The following NAT1 variants were observed in gnomAD, a reference collection of about 807,000 sequenced individuals.
NAT1 encodes arylamine N-acetyltransferase 1.
For missense variants in NAT1, 400 were observed against 339.2 expected (o/e 1.18, Z -1.41); for synonymous variants, 144 against 122.6 (o/e 1.17, Z -1.16).
At chr8:18,195,103 A>C (rs943508977) in intron 2 of NAT1, among the ~76,000 whole-genome samples, 1 of 152,208 alleles carries the variant, frequency 6.6e-6, no homozygotes, top group Non-Finnish European at 1.5e-5. Flanking sequence ...ACAGGGGATC[A>C]TCTCAAGACC....
chr8:18,209,318 C>T (rs1803876874), upstream of NAT1, among the ~76,000 whole-genome samples: 2 of 152,362 alleles, frequency 1.3e-5, no homozygotes, highest in South Asian at 4.1e-4. Context: ...CACAAGGAAA[C>T]ACTCACTGGT....
At chr8:18,188,916 A>C (rs1186432683) in intron 2 of NAT1, among the ~76,000 whole-genome samples, 1 of 145,898 alleles carries the variant, frequency 6.9e-6, no homozygotes, top group African/African-American at 2.5e-5. Flanking sequence ...AATCACTTGA[A>C]CCCGAGAGGT....
chr8:18,186,613 T>G (rs1190095099), intron 2 of NAT1, among the ~76,000 whole-genome samples: 2 of 152,196 alleles, frequency 1.3e-5, no homozygotes, highest in Non-Finnish European at 2.9e-5. Flanking sequence ...TATTTTTATT[T>G]TCCCATATGT....
intron 2 of NAT1, among the ~76,000 whole-genome samples, chr8:18,179,280 C>T (rs1343152005): frequency 5.3e-5 from 8 of 152,108 alleles, no homozygotes; most frequent in Admixed American, 5.2e-4. Context: ...CATAATCATT[C>T]ACTTGATAAT....
In NAT1 at chr8:18,214,430, T is replaced by C. The variant is rs146355234; in HGVS notation, c.-86+4250T>C. 3.9e-3 allele frequency among the ~76,000 whole-genome samples: 599 copies of C among 152,346 alleles called. 6 individuals are homozygous for C. Among genetic ancestry groups the C allele is most frequent in the South Asian group, 0.024 (115 of 4,818 alleles). On this transcript the variant is annotated intron_variant, in intron 1 of 2. Transcript: ENST00000307719. The stretch of plus-strand genomic sequence containing the variant: ...GGAGCAAACTCTTTCCCTTCAATAC[T>C]TTGAAGATACACTTCTATTACTTCA...
chr8:18,175,047 A>G (rs1802238338), intron 2 of NAT1, among the ~76,000 whole-genome samples: 1 of 131,984 alleles, frequency 7.6e-6, no homozygotes, highest in Non-Finnish European at 1.5e-5. Flanking sequence ...TGATTCCTTA[A>G]TTTTTTTGTA....
At chr8:18,183,010 C>T (rs1802580170) in intron 2 of NAT1, among the ~76,000 whole-genome samples, 1 of 151,898 alleles carries the variant, frequency 6.6e-6, no homozygotes, top group African/African-American at 2.4e-5. Context: ...TAATTTTTGT[C>T]TTAGTCTATT....
At position 18,203,282 on chromosome 8, in the gene NAT1, C is replaced by T. The variant is rs77037657; in HGVS notation, n.93-6499C>T. On this transcript the variant is annotated intron_variant and non_coding_transcript_variant, in intron 2 of 4. Transcript: ENST00000517441. ...TATGTCAGGAAAATAGAAATGACCTCAGATGCCTTTTATGTCATGTGTCTT... is the reference window on the plus strand; with the variant it reads ...TATGTCAGGAAAATAGAAATGACCTTAGATGCCTTTTATGTCATGTGTCTT... Among the ~76,000 whole-genome samples the T allele has an allele frequency of 2.5e-3, 378 of 152,324 alleles. 4 individuals carry two copies. Among genetic ancestry groups the T allele is most frequent in the African/African-American group, 8.9e-3 (369 of 41,560 alleles).
At chr8:18,199,883 G>C (rs1803390831) in intron 2 of NAT1, among the ~76,000 whole-genome samples, 1 of 152,106 alleles carries the variant, frequency 6.6e-6, no homozygotes, top group Non-Finnish European at 1.5e-5. Context: ...TTCAAAAGAA[G>C]ACATACACAT....
At chr8:18,189,394 C>T (rs914722149) in intron 2 of NAT1, among the ~76,000 whole-genome samples, 2 of 151,788 alleles carry the variant, frequency 1.3e-5, no homozygotes, top group Admixed American at 6.6e-5. Flanking sequence ...GAGAGTAGTA[C>T]GAGATGGGAA....
chr8:18,193,527 T>C (rs1199396780), intron 2 of NAT1, among the ~76,000 whole-genome samples: 1 of 145,252 alleles, frequency 6.9e-6, no homozygotes, highest in Non-Finnish European at 1.5e-5. Context: ...ATATATCACA[T>C]ACTTTTCAAA....
intron 2 of NAT1, among the ~76,000 whole-genome samples, chr8:18,193,541 A>T (rs1317045363): frequency 6.8e-6 from 1 of 147,272 alleles, no homozygotes; most frequent in Non-Finnish European, 1.5e-5. Flanking sequence ...TTTCAAAAAC[A>T]TACAGAACCA....
chr8:18,175,728 C>A (rs939747785), intron 2 of NAT1, among the ~76,000 whole-genome samples: 1 of 152,034 alleles, frequency 6.6e-6, no homozygotes, highest in Non-Finnish European at 1.5e-5. Flanking sequence ...AAATATATAT[C>A]CAGAGTGCAA....
chr8:18,216,325 C>G (rs954047661), intron 1 of NAT1, among the ~76,000 whole-genome samples: 17 of 152,252 alleles, frequency 1.1e-4, no homozygotes, highest in African/African-American at 4.1e-4. Flanking sequence ...GGTTAAATAT[C>G]CTCTCTCTTT....
rs1200543023 is a variant in NAT1, at chr8:18,184,919, G to C, written n.92+14180G>C. On this transcript the variant is annotated intron_variant and non_coding_transcript_variant, in intron 2 of 4. Transcript: ENST00000517441. ...TCTATGACATTTTATCAAATGTACA[G>C]TGATATTTGACTAGTAAGCTTATCT... 4.6e-5 allele frequency among the ~76,000 whole-genome samples: 7 copies of C among 152,300 alleles called. No individual in the cohort carries two copies. In the South Asian group the frequency reaches 1.4e-3, roughly 32 times the overall value.
intron 2 of NAT1, chr8:18,200,994 C>T (rs1803436408): frequency 1.3e-5 from 2 of 152,088 alleles, no homozygotes; most frequent in African/African-American, 2.4e-5. Flanking sequence ...TAAGGCTAAG[C>T]CTATGGTGGC....
At chr8:18,173,204 T>A (rs73587963) in intron 2 of NAT1, among the ~76,000 whole-genome samples, 51 of 151,952 alleles carry the variant, frequency 3.4e-4, no homozygotes, top group African/African-American at 1.2e-3. Context: ...GCACAGGATA[T>A]GAGCAGAAAT....
rs28359510 is a variant in NAT1, at chr8:18,218,050, G to A, written c.-85-1361G>A. 2.1e-3 allele frequency among the ~76,000 whole-genome samples: 313 copies of A among 152,272 alleles called. 12 individuals carry two copies. The South Asian group carries it at 0.062, about 30-fold the overall frequency. On this transcript the variant is annotated intron_variant, in intron 1 of 2. Coordinates refer to ENST00000307719, the MANE Select transcript of NAT1 (RefSeq NM_000662.8). ...TGGGAGGAGACATCCTTGAGCAAGC[G>A]TTCCTCTTCTGGTGTTAACAGGAAG...
At chr8:18,175,986 G>C (rs1287576729) in intron 2 of NAT1, among the ~76,000 whole-genome samples, 2 of 151,930 alleles carry the variant, frequency 1.3e-5, no homozygotes, top group Non-Finnish European at 2.9e-5. Context: ...TCATGTATCT[G>C]TTAGCCATTC....
Sources: gnomAD v4.1 joint callset for allele counts (sites outside exome capture counted in the v4.1 genomes callset) on GRCh38, gnomAD v4.1.1 for gene constraint, MANE v1.5 for transcripts, NCBI Gene and HGNC (gene_info 2026-07-23, HGNC 2026-07-21) for gene names.